RTN4: variants seen among roughly 807,000 people sequenced by gnomAD.
RTN4 encodes reticulon-4.
In RTN4, 32 loss-of-function variants were observed where a neutral mutation model predicts 90.4. The observed-to-expected ratio is 0.35, with a 90% CI of 0.27 to 0.48. The LOEUF (loss-of-function observed/expected upper bound fraction) is 0.48. Ranked by LOEUF, RTN4 falls within the 20% of genes least tolerant of loss-of-function variation. The pLI is 0.99. For synonymous variants in RTN4, 629 were observed against 552.5 expected (o/e 1.14, Z -1.94); for missense variants, 1,706 against 1,430.2 (o/e 1.19, Z -3.11).
chr2:55,077,417 T>C (rs181690246), intron 2 of RTN4, among the ~76,000 whole-genome samples: 30 of 152,106 alleles, frequency 2.0e-4, no homozygotes, highest in African/African-American at 7.2e-4. Flanking sequence ...CACAATGCAA[T>C]ACCACCTCAC....
chr2:55,026,987 T>C lies in RTN4; in HGVS notation c.1112A>G (p.Glu371Gly). Reference sequence around the variant, plus strand: ...AGGAGCTTCCACTGCAACTCTCTTTTCATTAAAACTGTCTTTTGCTTTTTC... The same window carrying C: ...AGGAGCTTCCACTGCAACTCTCTTTCCATTAAAACTGTCTTTTGCTTTTTC... ...SSEKAKDSFN[E>G]KRVAVEAPMR... Residue 371 changes from glutamate (E) to glycine (G), a missense_variant, in exon 3 of 9, where the codon GAA (glutamate) becomes GGA (glycine). Transcript: ENST00000337526. 6.2e-7 allele frequency: 1 copy of C among 1,613,488 alleles called. No homozygotes were observed. The highest frequency in any genetic ancestry group is 8.5e-7 in the Non-Finnish European group (1 of 1,179,900).
Position 55,026,975 on chromosome 2 carries a change from G to A in RTN4, c.1124C>T (p.Ala375Val). 1 of 1,613,224 alleles carries A rather than the reference G, an allele frequency of 6.2e-7. No individual in the cohort carries two copies. The highest frequency in any genetic ancestry group is 2.2e-5 in the East Asian group (1 of 44,876). The change falls in exon 3 of 9, where the codon GCA becomes GTA. Residue 375 changes from alanine to valine, a missense_variant. Coordinates refer to ENST00000337526, the MANE Select transcript of RTN4 (RefSeq NM_020532.5). ...AKDSFNEKRV[A>V]VEAPMREEYA... ...TTCCTCCCTCATAGGAGCTTCCACT[G>A]CAACTCTCTTTTCATTAAAACTGTC...
chr2:55,031,868 A>AC (rs767820431), intron 1 of RTN4, among the ~76,000 whole-genome samples: 3 of 152,150 alleles, frequency 2.0e-5, no homozygotes, highest in Admixed American at 6.5e-5. Context: ...GCAGACCCCT[A>AC]CCTCTAGACC....
At chr2:55,105,227 G>GTTTTTT (rs869164590) in intron 1 of RTN4, among the ~76,000 whole-genome samples, 3 of 114,038 alleles carry the variant, frequency 2.6e-5, no homozygotes, top group East Asian at 2.5e-4. Flanking sequence ...TGCTATTGAA[G>GTTTTTT]TTTTTTTTTT....
In RTN4 at chr2:55,027,184, A is replaced by G. The variant is rs201207744; in HGVS notation, c.915T>C (p.Ser305=). ...CGGCAGATTCTGCTTTTGGAGAGAC[A>G]CTGAACGATGATCCCATTTCTGAGT... is the stretch of plus-strand genomic sequence containing the variant. The part of the protein sequence containing the change: ...LEYSEMGSSF[S]VSPKAESAVI... Residue 305 remains serine (S), a synonymous_variant, in exon 3 of 9, where the codon AGT becomes AGC. Coordinates refer to ENST00000337526, the MANE Select transcript of RTN4 (RefSeq NM_020532.5). 1.2e-6 allele frequency: 2 copies of G among 1,613,660 alleles called. No homozygotes were observed. Among genetic ancestry groups the G allele is most frequent in the East Asian group, 2.2e-5 (1 of 44,862 alleles).
upstream of RTN4, among the ~76,000 whole-genome samples, chr2:55,115,234 G>C (rs1668103123): frequency 6.6e-6 from 1 of 152,166 alleles, no homozygotes; most frequent in Non-Finnish European, 1.5e-5. Context: ...ATGTCAGAAG[G>C]TCTGTATTCC....
chr2:55,121,537 G>A, the RTN4 span, among the ~76,000 whole-genome samples: 1 of 152,208 alleles, frequency 6.6e-6, no homozygotes, highest in African/African-American at 2.4e-5. Flanking sequence ...TTGAACAGAA[G>A]GCTCTGGGAA....
At chr2:55,003,310 T>C (rs539257663) in intron 3 of RTN4, among the ~76,000 whole-genome samples, 32 of 152,224 alleles carry the variant, frequency 2.1e-4, no homozygotes, top group South Asian at 8.3e-4. Context: ...TTTTTCAGTT[T>C]TTAAATTGCT....
At chr2:54,993,371 G>C (rs555594436) in intron 3 of RTN4, among the ~76,000 whole-genome samples, 1 of 152,224 alleles carries the variant, frequency 6.6e-6, no homozygotes, top group South Asian at 2.1e-4. Context: ...CTGTCTGTTA[G>C]GTTAATAAAT....
chr2:54,997,169 T>C (rs1169414049), intron 3 of RTN4, among the ~76,000 whole-genome samples: 3 of 151,912 alleles, frequency 2.0e-5, no homozygotes, highest in East Asian at 3.9e-4. Flanking sequence ...TTTACAACAG[T>C]AAAAAACAAT....
At chr2:55,054,894 G>A (rs1668162250), upstream of RTN4, among the ~76,000 whole-genome samples, 1 of 152,106 alleles carries the variant, frequency 6.6e-6, no homozygotes. Flanking sequence ...ACCATTTTGT[G>A]AAATGCAGTT....
chr2:55,049,442 T>C, intron 1 of RTN4: 1 of 438,790 alleles, frequency 2.3e-6, no homozygotes, highest in East Asian at 4.4e-5. Flanking sequence ...CGGCTCCTAC[T>C]ACGGGTGGGT....
intron 3 of RTN4, among the ~76,000 whole-genome samples, chr2:55,002,442 A>C (rs1679917243): frequency 6.6e-6 from 1 of 152,242 alleles, no homozygotes; most frequent in Non-Finnish European, 1.5e-5. Context: ...GCTGTTTGCC[A>C]TCTTCTAAGG....
intron 1 of RTN4, among the ~76,000 whole-genome samples, chr2:55,105,227 GT>G (rs869164590): frequency 0.022 from 2,494 of 114,010 alleles, 11 homozygotes; most frequent in African/African-American, 0.066. Flanking sequence ...TGCTATTGAA[GT>G]TTTTTTTTTT....
At chr2:55,070,748 T>TTTTTTG (rs1553450017) in intron 2 of RTN4, among the ~76,000 whole-genome samples, 1 of 149,416 alleles carries the variant, frequency 6.7e-6, no homozygotes, top group Non-Finnish European at 1.5e-5. Context: ...TGTTTTGATT[T>TTTTTTG]TTGTTGTTGT....
At chr2:55,116,729 T>C (rs1376740077), upstream of RTN4, among the ~76,000 whole-genome samples, 1 of 152,194 alleles carries the variant, frequency 6.6e-6, no homozygotes, top group Admixed American at 6.5e-5. Flanking sequence ...TTGGTCTGAC[T>C]TAAAAGACCA....
chr2:55,045,800 C>T (rs1173637967), intron 1 of RTN4, among the ~76,000 whole-genome samples: 2 of 152,176 alleles, frequency 1.3e-5, no homozygotes, highest in African/African-American at 4.8e-5. Flanking sequence ...TACATATTTT[C>T]GGTCTTAATT....
chr2:55,083,094 G>C (rs967431114), intron 1 of RTN4, among the ~76,000 whole-genome samples: 1 of 152,246 alleles, frequency 6.6e-6, no homozygotes, highest in Non-Finnish European at 1.5e-5. Context: ...ATAGAGGAAT[G>C]AGTACATAAG....
At chr2:55,042,582 G>A (rs911025041) in intron 1 of RTN4, among the ~76,000 whole-genome samples, 1 of 152,158 alleles carries the variant, frequency 6.6e-6, no homozygotes, top group African/African-American at 2.4e-5. Flanking sequence ...GTGGAAATCT[G>A]GGTAACAGGT....
Sources: gnomAD v4.1 joint callset for allele counts (sites outside exome capture counted in the v4.1 genomes callset) on GRCh38, gnomAD v4.1.1 for gene constraint, MANE v1.5 for transcripts, NCBI Gene and HGNC (gene_info 2026-07-23, HGNC 2026-07-21) for gene names.